The following SCN1A variants were observed in gnomAD, a reference collection of about 807,000 sequenced individuals.
SCN1A encodes the protein sodium channel protein type 1 subunit alpha.
A neutral mutation model predicts 193.7 loss-of-function variants in SCN1A; 13 were observed. The observed-to-expected ratio is 0.07, with a 90% CI of 0.04 to 0.11. SCN1A has a LOEUF of 0.11. Among genes scored for constraint, SCN1A ranks in the 10% least tolerant of loss-of-function variants. SCN1A has a pLI of 1.00. For synonymous variants in SCN1A, 781 were observed against 843.6 expected (o/e 0.93, Z 1.29); for missense variants, 1,432 against 2,451.1 (o/e 0.58, Z 8.78).
intron 2 of SCN1A, among the ~76,000 whole-genome samples, chr2:166,108,119 G>A (rs557690237): frequency 6.6e-6 from 1 of 151,842 alleles, no homozygotes; most frequent in East Asian, 1.9e-4. Context: ...AAACCCCAAA[G>A]AACCTAACTA....
chr2:166,047,521 A>C, intron 11 of SCN1A, 106 bp downstream of exon 11: 1 of 1,288,886 alleles, frequency 7.8e-7, no homozygotes, highest in Non-Finnish European at 1.1e-6. Flanking sequence ...TCTCGTTTCA[A>C]GTTCTGCTCT....
chr2:166,089,705 A>AATGGGGGTAG (rs1385659987), intron 2 of SCN1A, among the ~76,000 whole-genome samples: 1 of 152,092 alleles, frequency 6.6e-6, no homozygotes, highest in East Asian at 1.9e-4. Flanking sequence ...AAAAAGATGG[A>AATGGGGGTAG]ATGGGGGTAG....
chr2:166,136,067 A>G (rs889530133), intron 1 of SCN1A, among the ~76,000 whole-genome samples: 1 of 152,194 alleles, frequency 6.6e-6, no homozygotes, highest in Admixed American at 6.5e-5. Flanking sequence ...TTTCTATGAC[A>G]CTTGATACAT....
chr2:166,039,615 T>A lies in SCN1A; in HGVS notation c.2416-19A>T. The A allele has an allele frequency of 6.2e-7, 1 of 1,604,622 alleles. No individual in the cohort carries two copies. The highest frequency in any genetic ancestry group is 8.5e-7 in the Non-Finnish European group (1 of 1,171,618). ...TGAAAACCTAAGATCAAAACAAAAT[T>A]AATCTAATTCCACCAGATAATAACA... On this transcript the variant is annotated intron_variant, in intron 16 of 28. Coordinates refer to ENST00000674923, the MANE Select transcript of SCN1A (RefSeq NM_001165963.4).
chr2:166,017,953 A>G (rs1478379118), intron 19 of SCN1A, among the ~76,000 whole-genome samples: 1 of 152,022 alleles, frequency 6.6e-6, no homozygotes, highest in Non-Finnish European at 1.5e-5. Context: ...GTCAGTAATA[A>G]GCAGAACAAA....
chr2:166,071,581 T>A lies in SCN1A; in HGVS notation c.264+1777A>T, dbSNP rs1446460465. ...GGTGTAACATTAAAGTTGTATAATG[T>A]TTAAAAAAAAAAAAAAAGGAAAATA... On this transcript the variant is annotated intron_variant, in intron 4 of 28. Coordinates refer to ENST00000674923, the MANE Select transcript of SCN1A (RefSeq NM_001165963.4). The A allele has an allele frequency of 5.5e-5, 8 of 144,454 alleles. No homozygotes were observed. In the East Asian group the frequency reaches 1.4e-3, roughly 25 times the overall value. 8.9% of individuals were successfully genotyped at this position (144,454 alleles called of 1,614,324 possible). A position where few individuals can be genotyped will look rare whatever the true frequency, so the allele number is the denominator to read the frequency against.
intron 2 of SCN1A, among the ~76,000 whole-genome samples, chr2:166,092,868 CAT>C (rs1413825848): frequency 1.3e-5 from 2 of 152,116 alleles, no homozygotes; most frequent in Non-Finnish European, 2.9e-5. Flanking sequence ...TATAATAACA[CAT>C]GATAGGTGCC....
chr2:166,081,273 AG>A (rs1260891906), intron 2 of SCN1A, among the ~76,000 whole-genome samples: 1 of 152,012 alleles, frequency 6.6e-6, no homozygotes, highest in Non-Finnish European at 1.5e-5. Flanking sequence ...TATGTACGAT[AG>A]CTCACAATGA....
rs544922617 is a variant in SCN1A, at chr2:166,133,383, C to T, written c.-50+15664G>A. Among the ~76,000 whole-genome samples, 17 of 152,174 alleles carry T rather than the reference C, an allele frequency of 1.1e-4. No individual in the cohort carries two copies. In the East Asian group the frequency reaches 2.1e-3, roughly 19 times the overall value. ...GAGGGAAATAACAATATTCCTAAAC[C>T]AAATAAGTAGCTTTTATAAACAAGA... On this transcript the variant is annotated intron_variant, in intron 1 of 26. Coordinates refer to the SCN1A transcript ENST00000635750.
rs760752597 is a variant in SCN1A at position 166,043,918 on chromosome 2, A to G, written c.1794T>C (p.Phe598=). 10 of 1,614,102 alleles carry G rather than the reference A, an allele frequency of 6.2e-6. No individual in the cohort carries two copies. The highest frequency in any genetic ancestry group is 1.7e-5 in the Admixed American group (1 of 60,018). ...NDFADDEHST[F]EDNESRRDSL... is the part of the protein sequence containing the mutation. ...AATCTCTACGGCTCTCGTTATCCTC[A>G]AAGGTGCTGTGCTCATCATCTGCGA... The change falls in exon 14 of 29, where the codon TTT becomes TTC. Residue 598 remains phenylalanine, a synonymous_variant. Coordinates refer to ENST00000674923, the MANE Select transcript of SCN1A (RefSeq NM_001165963.4).
intron 2 of SCN1A, among the ~76,000 whole-genome samples, chr2:166,087,664 A>G (rs1209168957): frequency 6.6e-6 from 1 of 152,164 alleles, no homozygotes; most frequent in Non-Finnish European, 1.5e-5. Context: ...TCTTTTTAAA[A>G]AAAAAAATTA....
chr2:166,033,947 A>G (rs1695982698), intron 19 of SCN1A, among the ~76,000 whole-genome samples: 1 of 145,472 alleles, frequency 6.9e-6, no homozygotes, highest in Non-Finnish European at 1.5e-5. Flanking sequence ...TACTAAATTT[A>G]TTTTAACAGA....
At position 166,036,214 on chromosome 2, in the gene SCN1A, G is replaced by A. The variant is rs1696342820; in HGVS notation, c.3263C>T (p.Thr1088Ile). The change falls in exon 19 of 29, where the codon ACT (threonine) becomes ATT (isoleucine). Residue 1088 changes from threonine to isoleucine, a missense_variant. Around this residue, in one of 18 missense-constraint regions of SCN1A, gnomAD observed 198 missense variants for 225.8 expected, o/e 0.88. Transcript: ENST00000674923. Reference sequence around the variant, plus strand: ...AATGTATTTTTCAACACTGCTGCCAGTTCCTATACCACTTGTAGTTCCATT... The same window carrying A: ...AATGTATTTTTCAACACTGCTGCCAATTCCTATACCACTTGTAGTTCCATT... ...DVNGTTSGIG[T>I]GSSVEKYIID... 4 of 1,613,838 alleles carry A rather than the reference G, an allele frequency of 2.5e-6. No homozygotes were observed. Among genetic ancestry groups the A allele is most frequent in the Non-Finnish European group, 3.4e-6 (4 of 1,179,930 alleles).
chr2:166,002,427 T>G (rs1289729473), intron 24 of SCN1A, 45 bp downstream of exon 24: 7 of 1,552,354 alleles, frequency 4.5e-6, no homozygotes, highest in Non-Finnish European at 5.3e-6. Context: ...ATTTTGTTAT[T>G]ATTCCAAACA....
At chr2:166,018,842 A>C (rs147048779) in intron 19 of SCN1A, among the ~76,000 whole-genome samples, 458 of 152,228 alleles carry the variant, frequency 3.0e-3, no homozygotes, top group African/African-American at 0.011. Flanking sequence ...GTACATGAGC[A>C]AGCGCTTGTA....
At position 165,990,995 on chromosome 2, in the gene SCN1A, G is replaced by T; in HGVS notation, c.*250C>A. On this transcript the variant is annotated 3_prime_UTR_variant, in exon 29 of 29. Transcript: ENST00000674923. ...TCCCTACAGTCTGACTAGCCATTGT[G>T]CATCTTATCTTCAGCAGTGTCAGCT... 2.1e-6 allele frequency: 1 copy of T among 484,454 alleles called. No homozygotes were observed. The highest frequency in any genetic ancestry group is 3.7e-6 in the Non-Finnish European group (1 of 271,074). 30.0% of individuals were successfully genotyped at this position (484,454 alleles called of 1,614,324 possible). A position where few individuals can be genotyped will look rare whatever the true frequency, so the allele number is the denominator to read the frequency against.
intron 4 of SCN1A, among the ~76,000 whole-genome samples, chr2:166,071,235 C>G (rs571676863): frequency 6.6e-6 from 1 of 152,056 alleles, no homozygotes; most frequent in Non-Finnish European, 1.5e-5. Flanking sequence ...CAAATAAAGT[C>G]CTTGTAGTTT....
intron 19 of SCN1A, among the ~76,000 whole-genome samples, chr2:166,017,876 G>A (rs1693512333): frequency 6.6e-6 from 1 of 151,884 alleles, no homozygotes; most frequent in African/African-American, 2.4e-5. Flanking sequence ...TAGTTTTCCA[G>A]TCTATACCAA....
Position 165,988,048 on chromosome 2 carries a change from G to T in SCN1A, c.*3197C>A, listed in dbSNP as rs1455620113. 6.6e-6 allele frequency: 1 copy of T among 152,104 alleles called. No individual in the cohort carries two copies. The highest frequency in any genetic ancestry group is 1.5e-5 in the Non-Finnish European group (1 of 68,028). The allele number at this position is 152,104 out of a possible 1,614,324, so 9.4% of individuals were successfully genotyped here. A position where few individuals can be genotyped will look rare whatever the true frequency, so the allele number is the denominator to read the frequency against. ...AATTACTGTCCCTTTTCTGGTTGAG[G>T]CTATATTCCCTCTTCTGGCTTCACC... On this transcript the variant is annotated 3_prime_UTR_variant, in exon 29 of 29. Coordinates refer to ENST00000674923, the MANE Select transcript of SCN1A (RefSeq NM_001165963.4).
Sources: allele counts gnomAD v4.1 joint callset (sites outside exome capture counted in the v4.1 genomes callset), GRCh38; gene constraint gnomAD v4.1.1; regional missense constraint gnomAD v4.1.1; transcripts MANE v1.5; gene names NCBI Gene and HGNC (gene_info 2026-07-23, HGNC 2026-07-21).